The following ARHGAP18 variants were observed in gnomAD, a reference collection of about 807,000 sequenced individuals.
ARHGAP18 encodes rho GTPase-activating protein 18.
A neutral mutation model predicts 86.2 loss-of-function variants in ARHGAP18; 67 were observed. That is an observed-to-expected ratio of 0.78 (90% CI 0.64 to 0.95). ARHGAP18 has a LOEUF of 0.95. ARHGAP18 is among the 40% of genes least tolerant of loss of function. ARHGAP18 has a pLI of 0.00. For synonymous variants in ARHGAP18, 283 were observed against 280.4 expected (o/e 1.01, Z -0.09); for missense variants, 691 against 780.4 (o/e 0.89, Z 1.37).
chr6:129,690,374 G>C (rs1252324880), intron 1 of ARHGAP18, among the ~76,000 whole-genome samples: 1 of 152,118 alleles, frequency 6.6e-6, no homozygotes, highest in Non-Finnish European at 1.5e-5. Context: ...AACAAAAGTG[G>C]TAGATTATTA....
At chr6:129,602,206 G>A (rs191275198) in intron 10 of ARHGAP18, among the ~76,000 whole-genome samples, 2 of 152,202 alleles carry the variant, frequency 1.3e-5, no homozygotes, top group East Asian at 1.9e-4. Context: ...TATGAAGCAC[G>A]ATAGAGATTA....
intron 3 of ARHGAP18, among the ~76,000 whole-genome samples, chr6:129,634,720 T>C (rs1315604140): frequency 6.6e-6 from 1 of 152,072 alleles, no homozygotes; most frequent in East Asian, 1.9e-4. Context: ...ACAATAAAAA[T>C]GTGCTAAAAC....
Position 129,607,912 on chromosome 6 carries a change from T to C in ARHGAP18, c.1263A>G (p.Lys421=). Residue 421 remains lysine, a synonymous_variant, in exon 9 of 15, where the codon AAA becomes AAG. Transcript: ENST00000368149. ...ACTTACTCTGGACAGCCTGAAAGGC[T>C]TTGAGATACTCCACACTGAGCAGTG... is the stretch of plus-strand genomic sequence containing the variant. ...PQPLLSVEYL[K]AFQAVQNLPT... 6.2e-7 allele frequency: 1 copy of C among 1,610,478 alleles called. No individual in the cohort carries two copies. Among genetic ancestry groups the C allele is most frequent in the South Asian group, 1.1e-5 (1 of 90,114 alleles).
intron 8 of ARHGAP18, 70 bp downstream of exon 8, chr6:129,611,463 A>G (rs1271666536): frequency 7.4e-7 from 1 of 1,343,258 alleles, no homozygotes; most frequent in Non-Finnish European, 1.1e-6. Flanking sequence ...AGAGAGGACA[A>G]GTTAGCTTTT....
intron 11 of ARHGAP18, 68 bp from the exon 12 acceptor site, chr6:129,599,424 A>G (rs79303022): frequency 3.1e-5 from 40 of 1,292,276 alleles, no homozygotes; most frequent in Non-Finnish European, 3.7e-5. Context: ...ACAAAAAAAA[A>G]TTATATTTTT....
rs182447841 is a variant in ARHGAP18 at position 129,673,659 on chromosome 6, G to A, written c.114-31641C>T. 9.5e-4 allele frequency among the ~76,000 whole-genome samples: 144 copies of A among 152,138 alleles called. No homozygotes were observed. The Middle Eastern group carries it at 0.02, about 22-fold the overall frequency. On this transcript the variant is annotated intron_variant, in intron 1 of 14. Coordinates refer to ENST00000368149, the MANE Select transcript of ARHGAP18 (RefSeq NM_033515.3). ...ATTCAATTATTTCTATTCTTTTCAT[G>A]CACTTATTTTTACCATTTGCTTCTT...
intron 8 of ARHGAP18, among the ~76,000 whole-genome samples, chr6:129,609,289 G>T (rs1486083059): frequency 6.6e-6 from 1 of 152,170 alleles, no homozygotes; most frequent in African/African-American, 2.4e-5. Context: ...TAATGGACCA[G>T]CTGCTGCATA....
At chr6:129,645,570 A>G (rs28385636) in intron 1 of ARHGAP18, among the ~76,000 whole-genome samples, 31,638 of 152,076 alleles carry the variant, frequency 0.21, 3,737 homozygotes, top group Non-Finnish European at 0.26. Flanking sequence ...CTCTCCCTCC[A>G]GAATTCTGTG....
At chr6:129,704,106 G>A (rs542380988) in intron 1 of ARHGAP18, among the ~76,000 whole-genome samples, 155 of 140,376 alleles carry the variant, frequency 1.1e-3, no homozygotes, top group African/African-American at 3.7e-3. Flanking sequence ...AAGACAGCCA[G>A]CCATGTTCTT....
intron 1 of ARHGAP18, among the ~76,000 whole-genome samples, chr6:129,679,901 C>T (rs924676721): frequency 6.6e-6 from 1 of 152,202 alleles, no homozygotes; most frequent in Non-Finnish European, 1.5e-5. Flanking sequence ...GCACTCCCTC[C>T]GAAGCCTCTA....
intron 1 of ARHGAP18, chr6:129,661,890 T>C: frequency 1.0e-6 from 1 of 985,244 alleles, no homozygotes; most frequent in Non-Finnish European, 1.2e-6. Flanking sequence ...CCAACAGCTG[T>C]TTAGAGCTGG....
intron 2 of ARHGAP18, among the ~76,000 whole-genome samples, chr6:129,639,412 T>C (rs920210615): frequency 2.0e-5 from 3 of 152,204 alleles, no homozygotes; most frequent in African/African-American, 2.4e-5. Context: ...ACAAAAGACC[T>C]GGATCTGTAC....
intron 12 of ARHGAP18, among the ~76,000 whole-genome samples, chr6:129,588,510 G>A (rs1788445393): frequency 6.6e-6 from 1 of 152,238 alleles, no homozygotes; most frequent in African/African-American, 2.4e-5. Flanking sequence ...ACAGCCTTGG[G>A]CAGCTCTGCC....
intron 1 of ARHGAP18, among the ~76,000 whole-genome samples, chr6:129,699,799 C>G (rs947337360): frequency 2.0e-5 from 3 of 152,166 alleles, no homozygotes; most frequent in Admixed American, 6.5e-5. Context: ...AGCAAAGCAG[C>G]CTGCTTTTAT....
chr6:129,611,298 T>C (rs1037041020), intron 8 of ARHGAP18, among the ~76,000 whole-genome samples: 1 of 152,172 alleles, frequency 6.6e-6, no homozygotes, highest in African/African-American at 2.4e-5. Context: ...CATTCTTTTG[T>C]CATAGTATTA....
chr6:129,679,496 A>G (rs1774289463), intron 1 of ARHGAP18, among the ~76,000 whole-genome samples: 1 of 152,258 alleles, frequency 6.6e-6, no homozygotes. Context: ...TAATGTGGAT[A>G]CAATTATACA....
chr6:129,652,629 G>A (rs759826870), intron 1 of ARHGAP18, among the ~76,000 whole-genome samples: 12 of 152,088 alleles, frequency 7.9e-5, no homozygotes, highest in African/African-American at 1.4e-4. Flanking sequence ...ATAAATTTAC[G>A]CCAAGATACA....
chr6:129,694,474 T>A (rs1273609213), intron 1 of ARHGAP18, among the ~76,000 whole-genome samples: 1 of 152,164 alleles, frequency 6.6e-6, no homozygotes, highest in Non-Finnish European at 1.5e-5. Context: ...TAAAAATCAA[T>A]TTTCTGCAAG....
At chr6:129,620,487 C>T (rs374058655) in intron 5 of ARHGAP18, among the ~76,000 whole-genome samples, 75 of 152,298 alleles carry the variant, frequency 4.9e-4, no homozygotes, top group African/African-American at 1.7e-3. Flanking sequence ...TAATATTAAA[C>T]ACATTAAACA....
Sources: allele counts gnomAD v4.1 joint callset (sites outside exome capture counted in the v4.1 genomes callset), GRCh38; gene constraint gnomAD v4.1.1; transcripts MANE v1.5; gene names NCBI Gene and HGNC (gene_info 2026-07-23, HGNC 2026-07-21).